The following UNC5D variants were observed in gnomAD, a reference collection of about 807,000 sequenced individuals.
UNC5D encodes the protein netrin receptor UNC5D.
UNC5D carries 39 observed loss-of-function variants against 105.4 expected under a neutral mutation model. The observed-to-expected ratio is 0.37, with a 90% CI of 0.29 to 0.48. The LOEUF (loss-of-function observed/expected upper bound fraction) is 0.48, where lower values mean the gene tolerates loss of function less well. Among genes scored for constraint, UNC5D ranks in the 20% least tolerant of loss-of-function variants. The pLI, the probability that UNC5D is intolerant of heterozygous loss-of-function variation, is 0.98. For missense variants in UNC5D, 991 were observed against 1,202.4 expected (o/e 0.82, Z 2.60); for synonymous variants, 452 against 450.4 (o/e 1.00, Z -0.04).
At chr8:35,661,163 G>T (rs775969030) in intron 4 of UNC5D, among the ~76,000 whole-genome samples, 1 of 151,954 alleles carries the variant, frequency 6.6e-6, no homozygotes, top group African/African-American at 2.4e-5. Context: ...ATTAAATGCT[G>T]CAAGAACAGT....
chr8:35,731,399 CAAAAAAAAAAAAAAAAAA>C (rs57529561), intron 11 of UNC5D, among the ~76,000 whole-genome samples: 1 of 30,662 alleles, frequency 3.3e-5, no homozygotes, highest in African/African-American at 6.4e-5. Context: ...ACTCTGTCTC[CAAAAAAAAAAAAAAAAAA>C]AAAAAAAAAA....
chr8:35,350,524 G>A (rs1297408176), intron 1 of UNC5D, among the ~76,000 whole-genome samples: 1 of 151,944 alleles, frequency 6.6e-6, no homozygotes, highest in African/African-American at 2.4e-5. Context: ...ACTATTCAAC[G>A]ATATATTTAG....
At chr8:35,355,503 C>G (rs1283711630) in intron 1 of UNC5D, among the ~76,000 whole-genome samples, 2 of 152,112 alleles carry the variant, frequency 1.3e-5, no homozygotes, top group African/African-American at 4.8e-5. Context: ...TCCATAGAAG[C>G]CTTTTGAAAG....
chr8:35,370,653 A>G (rs1181729638), intron 1 of UNC5D, among the ~76,000 whole-genome samples: 5 of 152,184 alleles, frequency 3.3e-5, no homozygotes, highest in Non-Finnish European at 7.3e-5. Context: ...AATGAAAGTA[A>G]CTTTTAGGCA....
intron 10 of UNC5D, among the ~76,000 whole-genome samples, chr8:35,730,384 C>G (rs1829119653): frequency 6.6e-6 from 1 of 152,144 alleles, no homozygotes; most frequent in Non-Finnish European, 1.5e-5. Context: ...AGTTAAGTAA[C>G]CTTTCGCCTT....
chr8:35,535,175 A>G (rs1489585612), intron 1 of UNC5D, among the ~76,000 whole-genome samples: 1 of 152,216 alleles, frequency 6.6e-6, no homozygotes, highest in East Asian at 1.9e-4. Context: ...TATTGATGAT[A>G]AATAGCAAAC....
chr8:35,424,479 T>A lies in UNC5D; in HGVS notation c.104-124813T>A, dbSNP rs1232209778. On this transcript the variant is annotated intron_variant, in intron 1 of 16. Coordinates refer to ENST00000404895, the MANE Select transcript of UNC5D (RefSeq NM_080872.4). ...CCCATGTGGCTGGTGCCTACTGTAC[T>A]GACAAAGCAGATCCAGGCTGTCAGT... 2.0e-5 allele frequency among the ~76,000 whole-genome samples: 3 copies of A among 152,224 alleles called. No homozygotes were observed. The East Asian group carries it at 5.8e-4, about 29-fold the overall frequency.
chr8:35,593,762 A>G (rs1819320564), intron 3 of UNC5D, among the ~76,000 whole-genome samples: 2 of 152,114 alleles, frequency 1.3e-5, no homozygotes, highest in Admixed American at 1.3e-4. Context: ...CCTTATCTCC[A>G]AAACAAAACA....
chr8:35,359,196 A>G (rs148522259), intron 1 of UNC5D, among the ~76,000 whole-genome samples: 3 of 152,362 alleles, frequency 2.0e-5, no homozygotes, highest in African/African-American at 7.2e-5. Flanking sequence ...AGAAAAAGGT[A>G]GTATATTTGT....
chr8:35,526,390 A>G (rs1372254502), intron 1 of UNC5D, among the ~76,000 whole-genome samples: 1 of 152,158 alleles, frequency 6.6e-6, no homozygotes, highest in African/African-American at 2.4e-5. Context: ...CCTGTTCTCC[A>G]CACAGTCACT....
At chr8:35,362,769 G>A (rs1801921548) in intron 1 of UNC5D, among the ~76,000 whole-genome samples, 1 of 152,116 alleles carries the variant, frequency 6.6e-6, no homozygotes. Context: ...TAAAGGGCCA[G>A]AGAATAAATA....
At chr8:35,344,380 C>A (rs1457792351) in intron 1 of UNC5D, among the ~76,000 whole-genome samples, 2 of 151,928 alleles carry the variant, frequency 1.3e-5, no homozygotes, top group Admixed American at 1.3e-4. Flanking sequence ...AGAATTTAGC[C>A]CTCCTCTATA....
intron 1 of UNC5D, among the ~76,000 whole-genome samples, chr8:35,268,615 C>T (rs1431905555): frequency 6.6e-6 from 1 of 151,984 alleles, no homozygotes; most frequent in Non-Finnish European, 1.5e-5. Context: ...AAAATATTTA[C>T]TTCATATTTT....
At chr8:35,741,775 ATTTTT>A (rs907555830) in intron 11 of UNC5D, among the ~76,000 whole-genome samples, 1 of 151,474 alleles carries the variant, frequency 6.6e-6, no homozygotes, top group Non-Finnish European at 1.5e-5. Flanking sequence ...GTTGCTTTGG[ATTTTT>A]TTTTAAGAAC....
intron 1 of UNC5D, among the ~76,000 whole-genome samples, chr8:35,394,046 T>C (rs1803950018): frequency 6.6e-6 from 1 of 152,138 alleles, no homozygotes. Flanking sequence ...TTTTCCTTTT[T>C]TTTCTCTTCT....
At chr8:35,686,891 T>C (rs1469106277) in intron 7 of UNC5D, among the ~76,000 whole-genome samples, 182 bp downstream of exon 7, 1 of 152,192 alleles carries the variant, frequency 6.6e-6, no homozygotes, top group African/African-American at 2.4e-5. Context: ...ATAGAGATGG[T>C]ATAAGTGCAT....
Position 35,349,012 on chromosome 8 carries a change from G to A in UNC5D, c.103+113125G>A, listed in dbSNP as rs144829643. The stretch of plus-strand genomic sequence containing the variant: ...AAAAAATTTAGCAAATTTACATGAC[G>A]TTATTTAAAATTTTTGAAAATGTCT... On this transcript the variant is annotated intron_variant, in intron 1 of 16. Coordinates refer to ENST00000404895, the MANE Select transcript of UNC5D (RefSeq NM_080872.4). 8.6e-5 allele frequency among the ~76,000 whole-genome samples: 13 copies of A among 151,896 alleles called. No homozygotes were observed. In the East Asian group the frequency reaches 1.5e-3, roughly 18 times the overall value.
intron 1 of UNC5D, among the ~76,000 whole-genome samples, chr8:35,327,630 TG>T (rs67434887): frequency 7.9e-5 from 12 of 152,106 alleles, no homozygotes; most frequent in African/African-American, 2.7e-4. Flanking sequence ...TTATCTGTTG[TG>T]GGGGGGGGAT....
chr8:35,683,461 C>G (rs1262780302), intron 4 of UNC5D, 86 bp from the exon 5 acceptor site: 2 of 1,371,852 alleles, frequency 1.5e-6, no homozygotes, highest in Non-Finnish European at 2.0e-6. Context: ...ACATCTCTCT[C>G]CCACACCCGA....
Sources: allele counts gnomAD v4.1 joint callset (sites outside exome capture counted in the v4.1 genomes callset), GRCh38; gene constraint gnomAD v4.1.1; transcripts MANE v1.5; gene names NCBI Gene and HGNC (gene_info 2026-07-23, HGNC 2026-07-21).